Variants in GALNT11 observed in about 807,000 individuals in gnomAD.
GALNT11 encodes UDP-GalNAc:polypeptide N-acetylgalactosaminyltransferase 11.
Under a neutral mutation model 72.7 loss-of-function variants are expected in GALNT11, and 47 were observed. That is an observed-to-expected ratio of 0.65 (90% CI 0.51 to 0.82). GALNT11 has a LOEUF of 0.82. Ranked by LOEUF, GALNT11 falls within the 40% of genes least tolerant of loss-of-function variation. The pLI, the probability that GALNT11 is intolerant of heterozygous loss-of-function variation, is 0.00. For synonymous variants in GALNT11, 270 were observed against 286.6 expected (o/e 0.94, Z 0.58); for missense variants, 677 against 778.4 (o/e 0.87, Z 1.55).
chr7:152,077,774 C>T (rs527896509), intron 1 of GALNT11, among the ~76,000 whole-genome samples: 105 of 151,926 alleles, frequency 6.9e-4, no homozygotes, highest in Non-Finnish European at 1.1e-3. Flanking sequence ...TAACCAGGCC[C>T]ACTGGGAGAC....
chr7:152,036,683 G>T (rs1271519376), intron 1 of GALNT11, among the ~76,000 whole-genome samples: 1 of 152,180 alleles, frequency 6.6e-6, no homozygotes, highest in Non-Finnish European at 1.5e-5. Flanking sequence ...CATAGTGCTT[G>T]TACTAATTTA....
intron 1 of GALNT11, among the ~76,000 whole-genome samples, chr7:152,038,778 A>G (rs960011705): frequency 3.3e-4 from 50 of 152,342 alleles, no homozygotes; most frequent in Non-Finnish European, 4.4e-4. Context: ...GTTTTTCTCC[A>G]TTTGAATAGG....
chr7:152,096,051 A>G (rs147434691), intron 2 of GALNT11, among the ~76,000 whole-genome samples: 47 of 152,342 alleles, frequency 3.1e-4, no homozygotes, highest in Middle Eastern at 3.4e-3. Context: ...AACACTTAAG[A>G]ATAAATTTAG....
At chr7:152,118,581 CG>C in intron 9 of GALNT11, 96 bp from the exon 10 acceptor site, 4 of 994,804 alleles carry the variant, frequency 4.0e-6, no homozygotes, top group Non-Finnish European at 6.0e-6. Flanking sequence ...TTCGTACCTC[CG>C]GAATAACCTT....
chr7:152,028,793 C>T (rs577083433), intron 1 of GALNT11, among the ~76,000 whole-genome samples: 54 of 152,160 alleles, frequency 3.5e-4, no homozygotes, highest in Non-Finnish European at 6.6e-4. Context: ...TAGTGTCCTC[C>T]AGAGGGGAAC....
chr7:152,109,203 C>T (rs1462044689), intron 6 of GALNT11, among the ~76,000 whole-genome samples: 1 of 152,242 alleles, frequency 6.6e-6, no homozygotes, highest in African/African-American at 2.4e-5. Flanking sequence ...GTTGGACATC[C>T]TAGTGATCAG....
Position 152,091,365 on chromosome 7 carries a change from C to T in GALNT11, c.-38-2825C>T, listed in dbSNP as rs534538138. ...AAGCGATTCTCCTGCCTCAGCCTCC[C>T]GAGTAGCTGGAATTACAGGTGTGCG... On this transcript the variant is annotated intron_variant, in intron 1 of 11. Coordinates refer to ENST00000430044, the MANE Select transcript of GALNT11 (RefSeq NM_022087.4). Among the ~76,000 whole-genome samples, 350 of 152,072 alleles carry T rather than the reference C, an allele frequency of 2.3e-3. 1 individual carries two copies. The highest frequency in any genetic ancestry group is 8.1e-3 in the African/African-American group (337 of 41,470).
At chr7:152,051,574 A>G (rs1554419216) in intron 1 of GALNT11, among the ~76,000 whole-genome samples, 1 of 152,118 alleles carries the variant, frequency 6.6e-6, no homozygotes, top group Non-Finnish European at 1.5e-5. Context: ...ATGGTATTGT[A>G]ATTTGGAATA....
rs144450607 is a variant in GALNT11, at chr7:152,102,496, C to T, written c.420-616C>T. On this transcript the variant is annotated intron_variant, in intron 3 of 11. Coordinates refer to ENST00000430044, the MANE Select transcript of GALNT11 (RefSeq NM_022087.4). ...GTCGGAGGTTGCAGTGAGCCGAGAT[C>T]GCGCCACAGCACTCCAGCCTAGTGA... Among the ~76,000 whole-genome samples, 1,142 of 150,688 alleles carry T rather than the reference C, an allele frequency of 7.6e-3. 17 individuals are homozygous for T. The highest frequency in any genetic ancestry group is 0.027 in the African/African-American group (1,101 of 41,046).
chr7:152,063,982 G>A (rs2084163121), intron 1 of GALNT11, among the ~76,000 whole-genome samples: 3 of 152,214 alleles, frequency 2.0e-5, no homozygotes, highest in Admixed American at 2.0e-4. Flanking sequence ...AGTCCGCTTA[G>A]TGCAGAGCTG....
At chr7:152,055,820 A>AT (rs2083648313) in intron 1 of GALNT11, among the ~76,000 whole-genome samples, 2 of 152,066 alleles carry the variant, frequency 1.3e-5, no homozygotes, top group South Asian at 4.1e-4. Flanking sequence ...AAAATAAAAC[A>AT]TTTTGTTTTG....
At chr7:152,070,559 T>C (rs1371342682) in intron 1 of GALNT11, among the ~76,000 whole-genome samples, 2 of 152,198 alleles carry the variant, frequency 1.3e-5, no homozygotes, top group African/African-American at 4.8e-5. Flanking sequence ...TCTTCAAAGC[T>C]AGCAGTAGGT....
At chr7:152,056,889 T>TGC in intron 1 of GALNT11, among the ~76,000 whole-genome samples, 1 of 151,458 alleles carries the variant, frequency 6.6e-6, no homozygotes, top group Admixed American at 6.6e-5. Context: ...CAGGCTGGAG[T>TGC]GCAGTACATG....
intron 1 of GALNT11, among the ~76,000 whole-genome samples, chr7:152,048,415 A>T (rs927765850): frequency 6.6e-6 from 1 of 151,948 alleles, no homozygotes; most frequent in African/African-American, 2.4e-5. Flanking sequence ...TCTCATACTT[A>T]AATATTGATA....
Position 152,094,572 on chromosome 7 carries a change from G to A in GALNT11, c.295+50G>A. 6.7e-7 allele frequency: 1 copy of A among 1,502,962 alleles called. No homozygotes were observed. The highest frequency in any genetic ancestry group is 8.9e-7 in the Non-Finnish European group (1 of 1,121,552). 93.1% of individuals were successfully genotyped at this position (1,502,962 alleles called of 1,614,324 possible). On this transcript the variant is annotated intron_variant, in intron 2 of 11. Transcript: ENST00000430044. The surrounding 1 kb of genome is among the most constrained non-coding windows in gnomAD (Gnocchi z 4.3). Reference sequence around the variant, plus strand: ...TCCATATCAATGTATTTAATCACTGGAAGTTTGATTAATTAGTTAATTAGG... The same window carrying A: ...TCCATATCAATGTATTTAATCACTGAAAGTTTGATTAATTAGTTAATTAGG...
Position 152,025,854 on chromosome 7 carries a change from A to G in GALNT11, c.-69A>G. The G allele has an allele frequency of 3.5e-6, 1 of 284,738 alleles. No individual in the cohort carries two copies. The highest frequency in any genetic ancestry group is 7.6e-6 in the Non-Finnish European group (1 of 131,714). 17.6% of individuals were successfully genotyped at this position (284,738 alleles called of 1,614,324 possible). The stretch of plus-strand genomic sequence containing the variant: ...GAAGATGCCGCAGCCCGAGTCCCAG[A>G]AGGCGGCGATCCTGGGCTGCGGGCA... On this transcript the variant is annotated 5_prime_UTR_variant, in exon 1 of 12. Coordinates refer to ENST00000430044, the MANE Select transcript of GALNT11 (RefSeq NM_022087.4).
chr7:152,058,590 C>T (rs576168454), intron 1 of GALNT11, among the ~76,000 whole-genome samples: 319 of 152,280 alleles, frequency 2.1e-3, no homozygotes, highest in Middle Eastern at 6.8e-3. Context: ...CCTGTCTCGG[C>T]CTCCCAAACT....
intron 3 of GALNT11, among the ~76,000 whole-genome samples, chr7:152,102,296 C>G (rs2087002737): frequency 6.6e-6 from 1 of 152,170 alleles, no homozygotes; most frequent in Non-Finnish European, 1.5e-5. Flanking sequence ...GTAATCCCAG[C>G]ACTTTGGGAG....
intron 2 of GALNT11, among the ~76,000 whole-genome samples, chr7:152,099,680 G>A (rs1020937458): frequency 1.3e-5 from 2 of 149,228 alleles, no homozygotes; most frequent in East Asian, 2.0e-4. Flanking sequence ...AAGCAGCCGC[G>A]CCCTGCCTAA....
Sources: allele counts gnomAD v4.1 joint callset (sites outside exome capture counted in the v4.1 genomes callset), GRCh38; gene constraint gnomAD v4.1.1; non-coding constraint Gnocchi (gnomAD v3.1); transcripts MANE v1.5; gene names NCBI Gene and HGNC (gene_info 2026-07-23, HGNC 2026-07-21).